Variants in NUFIP2 observed in about 807,000 individuals in gnomAD.
The protein encoded by NUFIP2 is nuclear FMR1 interacting protein 2.
A neutral mutation model predicts 56.9 loss-of-function variants in NUFIP2; 6 were observed. The observed-to-expected ratio is 0.11, with a 90% CI of 0.06 to 0.21. The LOEUF (loss-of-function observed/expected upper bound fraction) is 0.21, where lower values mean the gene tolerates loss of function less well. Among genes scored for constraint, NUFIP2 ranks in the 10% least tolerant of loss-of-function variants. The pLI is 1.00. For missense variants in NUFIP2, 828 were observed against 826.8 expected, an observed-to-expected ratio of 1.00 and a Z score of -0.02; for synonymous variants, 321 against 298.2, an observed-to-expected ratio of 1.08 and a Z score of -0.79.
At chr17:29,283,386 T>C (rs926988391) in intron 2 of NUFIP2, among the ~76,000 whole-genome samples, 2 of 152,180 alleles carry the variant, frequency 1.3e-5, no homozygotes, top group African/African-American at 4.8e-5. Context: ...TGCCCAGGCC[T>C]GAGTGCAGTG....
chr17:29,276,029 A>AATATATATATATAT lies in NUFIP2; in HGVS notation c.2003-8513_2003-8500dup, dbSNP rs71135888. ...GGTGACAGAGTAAGACTCCGTCTCA[A>AATATATATATATAT]ATATATATATATATATATATCTGAA... On this transcript the variant is annotated intron_variant, in intron 2 of 3. Transcript: ENST00000225388. Among the ~76,000 whole-genome samples the AATATATATATATAT allele has an allele frequency of 3.5e-4, 49 of 138,208 alleles. 3 individuals are homozygous for AATATATATATATAT. Among genetic ancestry groups the AATATATATATATAT allele is most frequent in the African/African-American group, 9.8e-4 (35 of 35,782 alleles). 90.7% of individuals were successfully genotyped at this position (138,208 alleles called of 152,430 possible). A position where few individuals can be genotyped will look rare whatever the true frequency, so the allele number is the denominator to read the frequency against.
intron 2 of NUFIP2, among the ~76,000 whole-genome samples, chr17:29,281,758 C>G (rs1253138207): frequency 1.3e-5 from 2 of 149,322 alleles, no homozygotes; most frequent in Non-Finnish European, 3.0e-5. Context: ...ACACAAATCC[C>G]GCCACCCCCC....
chr17:29,284,917 T>C (rs1317984453), intron 2 of NUFIP2, among the ~76,000 whole-genome samples: 1 of 152,078 alleles, frequency 6.6e-6, no homozygotes, highest in Non-Finnish European at 1.5e-5. Context: ...CCAAGACTTA[T>C]CAGTCTCCTC....
In NUFIP2 at chr17:29,261,832, C is replaced by T. The variant is rs1482108481; in HGVS notation, c.*2707G>A. The T allele has an allele frequency of 1.3e-5, 2 of 152,544 alleles. No homozygotes were observed. The highest frequency in any genetic ancestry group is 4.8e-5 in the African/African-American group (2 of 41,424). The allele number at this position is 152,544 out of a possible 1,614,324, so 9.4% of individuals were successfully genotyped here. ...TAATATGATGGGGCACTAGGGTTCT[C>T]AGAAAGTTAACAGACATTCCTAACT... is the stretch of plus-strand genomic sequence containing the variant. On this transcript the variant is annotated 3_prime_UTR_variant, in exon 4 of 4. Coordinates refer to ENST00000225388, the MANE Select transcript of NUFIP2 (RefSeq NM_020772.3).
intron 2 of NUFIP2, among the ~76,000 whole-genome samples, chr17:29,268,498 C>CT (rs1334494582): frequency 2.6e-5 from 4 of 152,012 alleles, no homozygotes; most frequent in African/African-American, 9.7e-5. Context: ...AACCACACCT[C>CT]TTTTTTATTT....
chr17:29,294,093 G>A lies in NUFIP2; in HGVS notation c.-34C>T, dbSNP rs202071419. The A allele has an allele frequency of 1.1e-4, 172 of 1,567,562 alleles. No homozygotes were observed. The highest frequency in any genetic ancestry group is 1.9e-4 in the Admixed American group (11 of 57,464). ...GCTGGGACTCCCTGGCTGAGGCTGC[G>A]GGCTGCTGCACCGTCAGGATCTGAG... On this transcript the variant is annotated 5_prime_UTR_variant, in exon 1 of 4. Coordinates refer to ENST00000225388, the MANE Select transcript of NUFIP2 (RefSeq NM_020772.3).
At position 29,279,350 on chromosome 17, in the gene NUFIP2, T is replaced by A. The variant is rs184250559; in HGVS notation, c.2002+6642A>T. Among the ~76,000 whole-genome samples the A allele has an allele frequency of 1.3e-3, 202 of 151,288 alleles. 1 individual carries two copies. The highest frequency in any genetic ancestry group is 4.6e-3 in the African/African-American group (190 of 40,954). On this transcript the variant is annotated intron_variant, in intron 2 of 3. Transcript: ENST00000225388. ...CCCAATCTAAAAGCTTTTTAAAAAA[T>A]TTTTTTTAAAATTCAGATCATTTAC...
chr17:29,290,664 A>AAAAGAAAG (rs200345148), intron 1 of NUFIP2, among the ~76,000 whole-genome samples: 6 of 147,282 alleles, frequency 4.1e-5, no homozygotes, highest in African/African-American at 7.7e-5. Flanking sequence ...AAAAAAAAAA[A>AAAAGAAAG]AAAGAAAGAA....
chr17:29,262,052 T>A lies in NUFIP2; in HGVS notation c.*2487A>T, dbSNP rs1473656420. 1 of 152,292 alleles carries A rather than the reference T, an allele frequency of 6.6e-6. No homozygotes were observed. The highest frequency in any genetic ancestry group is 1.5e-5 in the Non-Finnish European group (1 of 68,010). 9.4% of individuals were successfully genotyped at this position (152,292 alleles called of 1,614,324 possible). A position where few individuals can be genotyped will look rare whatever the true frequency, so the allele number is the denominator to read the frequency against. On this transcript the variant is annotated 3_prime_UTR_variant, in exon 4 of 4. Coordinates refer to ENST00000225388, the MANE Select transcript of NUFIP2 (RefSeq NM_020772.3). Reference sequence around the variant, plus strand: ...TAGAAAAGCAATAGCTTTCTAAAGATGTTTAATCAAGTGTTGCTTCTAAGT... The same window carrying A: ...TAGAAAAGCAATAGCTTTCTAAAGAAGTTTAATCAAGTGTTGCTTCTAAGT...
Position 29,261,918 on chromosome 17 carries a change from A to G in NUFIP2, c.*2621T>C, listed in dbSNP as rs1173704222. 6.6e-6 allele frequency: 1 copy of G among 152,504 alleles called. No homozygotes were observed. The highest frequency in any genetic ancestry group is 1.5e-5 in the Non-Finnish European group (1 of 68,000). 9.4% of individuals were successfully genotyped at this position (152,504 alleles called of 1,614,324 possible). On this transcript the variant is annotated 3_prime_UTR_variant, in exon 4 of 4. Transcript: ENST00000225388. ...TGGAGAAATCAAAGTGAAATGTTGC[A>G]TTGTTTCATTTAGAAGTGAGACTCT...
chr17:29,292,186 T>C (rs1228525410), intron 1 of NUFIP2, among the ~76,000 whole-genome samples: 1 of 152,140 alleles, frequency 6.6e-6, no homozygotes, highest in Non-Finnish European at 1.5e-5. Context: ...GAAAAACACC[T>C]TTCTTTTTAA....
chr17:29,293,243 A>C (rs2153013213), intron 1 of NUFIP2, among the ~76,000 whole-genome samples: 1 of 150,766 alleles, frequency 6.6e-6, no homozygotes, highest in South Asian at 2.1e-4. Context: ...AGCCCCCCCC[A>C]CCGAGACGGG....
chr17:29,285,952 T>A (rs774113595), intron 2 of NUFIP2, 40 bp downstream of exon 2: 8 of 1,449,872 alleles, frequency 5.5e-6, no homozygotes, highest in South Asian at 5.1e-5. Flanking sequence ...TATACTAAAT[T>A]GGCCAATAAA....
intron 3 of NUFIP2, among the ~76,000 whole-genome samples, chr17:29,265,300 ATTTTATTTTTT>A (rs1223456670): frequency 2.2e-5 from 3 of 135,034 alleles, no homozygotes; most frequent in African/African-American, 8.1e-5. Flanking sequence ...TTTTTATTTT[ATTTTATTTTTT>A]TTTTTTTTTG....
intron 1 of NUFIP2, among the ~76,000 whole-genome samples, chr17:29,288,247 A>G (rs2069190188): frequency 6.6e-6 from 1 of 152,176 alleles, no homozygotes; most frequent in Non-Finnish European, 1.5e-5. Context: ...GGATTTCACC[A>G]TGTTAGCCAG....
chr17:29,287,071 G>C lies in NUFIP2; in HGVS notation c.923C>G (p.Pro308Arg). ...DMLRKSSDSKPGVSSKKFDDR... is the reference protein window; with the variant it reads ...DMLRKSSDSKRGVSSKKFDDR... ...ATCAAACTTTTTGCTGCTCACACCAGGTTTACTATCTGAGCTTTTCCGAAG... is the reference window on the plus strand; with the variant it reads ...ATCAAACTTTTTGCTGCTCACACCACGTTTACTATCTGAGCTTTTCCGAAG... The change falls in exon 2 of 4, where the codon CCT becomes CGT. Residue 308 changes from proline to arginine, a missense_variant. Coordinates refer to ENST00000225388, the MANE Select transcript of NUFIP2 (RefSeq NM_020772.3). 6.2e-7 allele frequency: 1 copy of C among 1,614,142 alleles called. No homozygotes were observed. Among genetic ancestry groups the C allele is most frequent in the Non-Finnish European group, 8.5e-7 (1 of 1,180,038 alleles).
At chr17:29,284,706 CAAAAAAAAAAA>C (rs66700326) in intron 2 of NUFIP2, among the ~76,000 whole-genome samples, 2 of 53,644 alleles carry the variant, frequency 3.7e-5, no homozygotes, top group African/African-American at 1.6e-4. Context: ...GACTCCATCT[CAAAAAAAAAAA>C]AAAAAAAAAA....
rs1465651443 is a variant in NUFIP2 at position 29,256,158 on chromosome 17, G to T, written c.*8381C>A. On this transcript the variant is annotated 3_prime_UTR_variant, in exon 4 of 4. Transcript: ENST00000225388. ...TTTTTGACTGGGCAAAACAAACATT[G>T]AAACTTTTTTTTGAGCGGGGGGAAC... 6.6e-6 allele frequency: 1 copy of T among 152,144 alleles called. No homozygotes were observed. Among genetic ancestry groups the T allele is most frequent in the Non-Finnish European group, 1.5e-5 (1 of 68,018 alleles). 9.4% of individuals were successfully genotyped at this position (152,144 alleles called of 1,614,324 possible).
Position 29,264,602 on chromosome 17 carries a change from TA to T in NUFIP2, c.2036-12del. 3.3e-6 allele frequency: 5 copies of T among 1,524,770 alleles called. No individual in the cohort carries two copies. Among genetic ancestry groups the T allele is most frequent in the Non-Finnish European group, 3.6e-6 (4 of 1,099,964 alleles). The allele number at this position is 1,524,770 out of a possible 1,614,324, so 94.5% of individuals were successfully genotyped here. A position where few individuals can be genotyped will look rare whatever the true frequency, so the allele number is the denominator to read the frequency against. On this transcript the variant is annotated splice_polypyrimidine_tract_variant and intron_variant, in intron 3 of 3. Coordinates refer to ENST00000225388, the MANE Select transcript of NUFIP2 (RefSeq NM_020772.3). ...TTATCCTTTTGGGATCTAGAAAGGTTAAAAAAATAAATAAAAATAAGGTCTA... is the reference window on the plus strand; with the variant it reads ...TTATCCTTTTGGGATCTAGAAAGGTTAAAAAATAAATAAAAATAAGGTCTA...
Sources: allele counts gnomAD v4.1 joint callset (sites outside exome capture counted in the v4.1 genomes callset), GRCh38; gene constraint gnomAD v4.1.1; transcripts MANE v1.5; gene names NCBI Gene and HGNC (gene_info 2026-07-23, HGNC 2026-07-21).